The following DLG2 variants were observed in gnomAD, a reference collection of about 807,000 sequenced individuals.
DLG2 encodes discs large MAGUK scaffold protein 2.
Under a neutral mutation model 132.5 loss-of-function variants are expected in DLG2, and 45 were observed. The ratio of observed to expected loss-of-function variants is 0.34; its 90% confidence interval spans 0.27 to 0.44. The LOEUF (loss-of-function observed/expected upper bound fraction) is 0.44. Among genes scored for constraint, DLG2 ranks in the 20% least tolerant of loss-of-function variants. The pLI, the probability that DLG2 is intolerant of heterozygous loss-of-function variation, is 1.00. For synonymous variants in DLG2, 424 were observed against 419.6 expected, an observed-to-expected ratio of 1.01 and a Z score of -0.13; for missense variants, 1,045 against 1,196.9, an observed-to-expected ratio of 0.87 and a Z score of 1.87.
At chr11:85,284,046 A>G (rs2078401923) in intron 4 of DLG2, among the ~76,000 whole-genome samples, 1 of 151,952 alleles carries the variant, frequency 6.6e-6, no homozygotes, top group Admixed American at 6.6e-5. Flanking sequence ...AAAAATGTTC[A>G]ATGTTATGAT....
rs190669260 is a variant in DLG2 at position 85,123,859 on chromosome 11, C to A, written c.283-12124G>T. Reference sequence around the variant, plus strand: ...CATAGGCTTTTGAATCTGGTACTATCTTTGAACGCACAAATGGAAGAAGAA... The same window carrying A: ...CATAGGCTTTTGAATCTGGTACTATATTTGAACGCACAAATGGAAGAAGAA... On this transcript the variant is annotated intron_variant, in intron 5 of 27. Coordinates refer to ENST00000376104, the MANE Select transcript of DLG2 (RefSeq NM_001142699.3). Among the ~76,000 whole-genome samples the A allele has an allele frequency of 1.4e-4, 22 of 152,302 alleles. 1 individual carries two copies. Among genetic ancestry groups the A allele is most frequent in the African/African-American group, 4.3e-4 (18 of 41,564 alleles).
At chr11:84,277,688 A>C (rs900613817) in intron 7 of DLG2, among the ~76,000 whole-genome samples, 7 of 152,170 alleles carry the variant, frequency 4.6e-5, no homozygotes, top group Non-Finnish European at 1.0e-4. Flanking sequence ...ATTAAACCCA[A>C]AGTAGGCAAA....
chr11:83,929,664 G>T (rs1338114525), intron 15 of DLG2, among the ~76,000 whole-genome samples: 1 of 152,098 alleles, frequency 6.6e-6, no homozygotes, highest in Non-Finnish European at 1.5e-5. Context: ...CATACTGAGG[G>T]CAATACCTTT....
intron 10 of DLG2, among the ~76,000 whole-genome samples, chr11:84,074,066 C>T (rs945824871): frequency 4.6e-5 from 7 of 152,142 alleles, no homozygotes; most frequent in Non-Finnish European, 8.8e-5. Flanking sequence ...TTACCTGTTA[C>T]AGGGAAGTAA....
At position 85,285,747 on chromosome 11, in the gene DLG2, C is replaced by T. The variant is rs571882329; in HGVS notation, c.41-382G>A. ...GGAAAGGATACATACTGTATGATTC[C>T]ACCTATATAGCATCTGGAAAAAGTA... On this transcript the variant is annotated intron_variant, in intron 3 of 27. Transcript: ENST00000376104. Among the ~76,000 whole-genome samples the T allele has an allele frequency of 1.8e-4, 28 of 151,814 alleles. No individual in the cohort carries two copies. In the South Asian group the frequency reaches 3.7e-3, roughly 20 times the overall value.
At chr11:83,648,245 T>C (rs544247111) in intron 18 of DLG2, among the ~76,000 whole-genome samples, 11 of 152,132 alleles carry the variant, frequency 7.2e-5, no homozygotes, top group African/African-American at 2.6e-4. Context: ...AGAGAGGAAG[T>C]ACAAAGAGGA....
chr11:84,757,152 T>C (rs2066993348), intron 6 of DLG2, among the ~76,000 whole-genome samples: 1 of 152,158 alleles, frequency 6.6e-6, no homozygotes, highest in Non-Finnish European at 1.5e-5. Flanking sequence ...TCCTCATATA[T>C]TCATCCAAGG....
chr11:85,522,713 C>T (rs192662052), intron 3 of DLG2, among the ~76,000 whole-genome samples: 3 of 152,224 alleles, frequency 2.0e-5, no homozygotes, highest in African/African-American at 7.2e-5. Context: ...GGTTCAATGA[C>T]TGTTCTGTTG....
intron 21 of DLG2, among the ~76,000 whole-genome samples, chr11:83,503,189 G>A (rs1405367844): frequency 6.6e-6 from 1 of 151,344 alleles, no homozygotes; most frequent in Non-Finnish European, 1.5e-5. Context: ...GAGGGGACAT[G>A]TGAGCTAAAT....
At chr11:85,382,333 G>C (rs1250355435) in intron 3 of DLG2, among the ~76,000 whole-genome samples, 1 of 152,040 alleles carries the variant, frequency 6.6e-6, no homozygotes, top group Non-Finnish European at 1.5e-5. Flanking sequence ...GAATCAATTT[G>C]AACCTTTATT....
At chr11:83,900,801 G>A (rs115523092) in intron 15 of DLG2, among the ~76,000 whole-genome samples, 1 of 152,180 alleles carries the variant, frequency 6.6e-6, no homozygotes, top group Non-Finnish European at 1.5e-5. Context: ...TAGTGGAGCT[G>A]CAGGAAGAGA....
In DLG2 at chr11:84,502,517, T is replaced by G. The variant is rs560645629; in HGVS notation, c.519+32053A>C. 2.0e-5 allele frequency among the ~76,000 whole-genome samples: 3 copies of G among 150,702 alleles called. No individual in the cohort carries two copies. In the East Asian group the frequency reaches 5.8e-4, roughly 29 times the overall value. Reference sequence around the variant, plus strand: ...TACAAGCGATTCTCGTTATTCAGCTTCCCAAGTAGCTGGGACTACAGGGTC... The same window carrying G: ...TACAAGCGATTCTCGTTATTCAGCTGCCCAAGTAGCTGGGACTACAGGGTC... On this transcript the variant is annotated intron_variant, in intron 7 of 27. Coordinates refer to ENST00000376104, the MANE Select transcript of DLG2 (RefSeq NM_001142699.3).
intron 7 of DLG2, among the ~76,000 whole-genome samples, chr11:84,357,896 G>C (rs560514537): frequency 6.6e-6 from 1 of 151,766 alleles, no homozygotes; most frequent in South Asian, 2.1e-4. Flanking sequence ...GTACAGGAGG[G>C]TTATTGTAAT....
chr11:84,339,011 C>T (rs1489712057), intron 7 of DLG2, among the ~76,000 whole-genome samples: 1 of 152,114 alleles, frequency 6.6e-6, no homozygotes, highest in African/African-American at 2.4e-5. Context: ...TCTGCACAGA[C>T]TATAATGGTT....
chr11:84,447,767 A>G (rs2099039776), intron 7 of DLG2, among the ~76,000 whole-genome samples: 2 of 152,132 alleles, frequency 1.3e-5, no homozygotes, highest in Non-Finnish European at 2.9e-5. Context: ...CTAAACTTAT[A>G]TAGTAGATCT....
At chr11:83,989,602 A>G (rs1016309447) in intron 11 of DLG2, among the ~76,000 whole-genome samples, 1 of 152,186 alleles carries the variant, frequency 6.6e-6, no homozygotes, top group Non-Finnish European at 1.5e-5. Flanking sequence ...TAGAACTGAT[A>G]AAAGAAAATG....
chr11:84,481,422 C>T (rs1325347521), intron 7 of DLG2, among the ~76,000 whole-genome samples: 1 of 152,136 alleles, frequency 6.6e-6, no homozygotes, highest in Non-Finnish European at 1.5e-5. Context: ...GTTGCTATTT[C>T]CTCTCTTGTC....
intron 3 of DLG2, among the ~76,000 whole-genome samples, chr11:85,547,620 C>T (rs945309521): frequency 9.9e-5 from 15 of 152,128 alleles, no homozygotes; most frequent in Non-Finnish European, 2.1e-4. Context: ...TTCCGGTACA[C>T]CAAACAAATG....
chr11:84,941,945 T>C (rs2049494401), intron 6 of DLG2, among the ~76,000 whole-genome samples: 2 of 152,130 alleles, frequency 1.3e-5, no homozygotes, highest in African/African-American at 4.8e-5. Flanking sequence ...TGTTCAGGTT[T>C]TAGGGTTTTA....
Sources: gnomAD v4.1 joint callset for allele counts (sites outside exome capture counted in the v4.1 genomes callset) on GRCh38, gnomAD v4.1.1 for gene constraint, MANE v1.5 for transcripts, NCBI Gene and HGNC (gene_info 2026-07-23, HGNC 2026-07-21) for gene names.